NTRK3: variants seen among roughly 807,000 people sequenced by gnomAD.
NTRK3 encodes neurotrophic receptor tyrosine kinase 3.
Under a neutral mutation model 91.7 loss-of-function variants are expected in NTRK3, and 24 were observed. The ratio of observed to expected loss-of-function variants is 0.26; its 90% CI spans 0.19 to 0.37. The LOEUF (loss-of-function observed/expected upper bound fraction) is 0.37, where lower values mean the gene tolerates loss of function less well. Among genes scored for constraint, NTRK3 ranks in the 10% least tolerant of loss-of-function variants. The probability of loss-of-function intolerance (pLI) is 1.00; values close to 1 mark genes in which losing one functional copy is unlikely to be tolerated. For synonymous variants in NTRK3, 483 were observed against 404.0 expected (o/e 1.20, Z -2.34); for missense variants, 880 against 1,068.9 (o/e 0.82, Z 2.46).
intron 3 of NTRK3, among the ~76,000 whole-genome samples, chr15:88,185,097 C>T (rs921787188): frequency 6.6e-6 from 1 of 152,210 alleles, no homozygotes; most frequent in Non-Finnish European, 1.5e-5. Flanking sequence ...TCAGCAGTTT[C>T]TCCCCTTTTC....
chr15:87,955,410 C>T (rs936606380), intron 14 of NTRK3, among the ~76,000 whole-genome samples: 26 of 152,328 alleles, frequency 1.7e-4, no homozygotes, highest in East Asian at 3.9e-4. Context: ...ATCTGCTGCA[C>T]GCTACAGAGG....
intron 13 of NTRK3, among the ~76,000 whole-genome samples, chr15:88,104,327 T>C (rs909621783): frequency 5.9e-5 from 9 of 152,234 alleles, no homozygotes; most frequent in Admixed American, 5.2e-4. Flanking sequence ...ATCAGCTTCC[T>C]TTTGAAATCC....
chr15:88,025,731 T>C (rs1483569676), intron 14 of NTRK3, among the ~76,000 whole-genome samples: 1 of 152,242 alleles, frequency 6.6e-6, no homozygotes, highest in Non-Finnish European at 1.5e-5. Context: ...AAAATTTCTG[T>C]TGTTTGGGGC....
chr15:88,251,332 G>C (rs1314048988), intron 3 of NTRK3, among the ~76,000 whole-genome samples: 1 of 152,242 alleles, frequency 6.6e-6, no homozygotes, highest in Non-Finnish European at 1.5e-5. Flanking sequence ...TGGGCCCTGA[G>C]ATGACATATG....
chr15:88,083,409 G>T (rs527826013), intron 13 of NTRK3, among the ~76,000 whole-genome samples: 201 of 152,258 alleles, frequency 1.3e-3, no homozygotes, highest in Non-Finnish European at 2.3e-3. Context: ...TTTTAGTAGG[G>T]ACAAGGTTTT....
chr15:87,964,369 TGTTTA>T (rs2072596725), intron 14 of NTRK3, among the ~76,000 whole-genome samples: 1 of 150,850 alleles, frequency 6.6e-6, no homozygotes, highest in African/African-American at 2.4e-5. Flanking sequence ...ATATTATATA[TGTTTA>T]GTTTATATAT....
chr15:87,975,288 T>C (rs936814961), intron 14 of NTRK3, among the ~76,000 whole-genome samples: 5 of 152,128 alleles, frequency 3.3e-5, no homozygotes, highest in Non-Finnish European at 5.9e-5. Flanking sequence ...AAGATCTTAT[T>C]GGTACAGTTG....
rs575505628 is a variant in NTRK3, at chr15:88,103,431, T to TCA, written c.1396+22838_1396+22839dup. On this transcript the variant is annotated intron_variant, in intron 13 of 18. Coordinates refer to ENST00000394480, the Ensembl canonical transcript of NTRK3. ...GCTTGAGCCAATTCCTTAAAATAAA[T>TCA]CACACACACACAACGACGGACAGAT... is the stretch of plus-strand genomic sequence containing the variant. Among the ~76,000 whole-genome samples, 28 of 151,924 alleles carry TCA rather than the reference T, an allele frequency of 1.8e-4. No individual in the cohort carries two copies. In the South Asian group the frequency reaches 5.6e-3, roughly 30 times the overall value.
At chr15:87,873,651 A>G (rs1250267291) in exon 19 of NTRK3, 2 of 232,038 alleles carry the variant, frequency 8.6e-6, no homozygotes, top group Non-Finnish European at 8.5e-6. Flanking sequence ...TGGAGTGGCC[A>G]TATTGGCTAA....
chr15:87,942,752 G>A (rs2142039209), intron 14 of NTRK3, among the ~76,000 whole-genome samples: 1 of 152,242 alleles, frequency 6.6e-6, no homozygotes, highest in Admixed American at 6.5e-5. Flanking sequence ...CTGTAAAATG[G>A]GTATGGGGAG....
intron 13 of NTRK3, among the ~76,000 whole-genome samples, chr15:88,061,280 GA>G (rs1488359986): frequency 6.6e-6 from 1 of 152,176 alleles, no homozygotes; most frequent in Non-Finnish European, 1.5e-5. Context: ...CTTGCAACAG[GA>G]AAAGAGTACG....
Position 88,255,781 on chromosome 15 carries a change from G to T in NTRK3, c.248+125C>A. The stretch of plus-strand genomic sequence containing the variant: ...TCCCGAGCCAGAGCGAGCCTGACGC[G>T]CGCCCAGCGGGCGGCGGGCAGCGGC... On this transcript the variant is annotated intron_variant, in intron 3 of 18. Coordinates refer to ENST00000394480, the Ensembl canonical transcript of NTRK3. The surrounding 1 kb of genome is among the most constrained non-coding windows in gnomAD (Gnocchi z 4.3). 1 of 735,480 alleles carries T rather than the reference G, an allele frequency of 1.4e-6. No homozygotes were observed. Among genetic ancestry groups the T allele is most frequent in the Non-Finnish European group, 1.9e-6 (1 of 521,908 alleles). 45.6% of individuals were successfully genotyped at this position (735,480 alleles called of 1,614,324 possible).
chr15:88,092,314 G>A (rs922155292), intron 13 of NTRK3, among the ~76,000 whole-genome samples: 6 of 152,170 alleles, frequency 3.9e-5, no homozygotes, highest in East Asian at 3.9e-4. Flanking sequence ...TCAAGGCTCC[G>A]ACTGCATGGC....
intron 3 of NTRK3, 101 bp from the exon 4 acceptor site, chr15:88,184,400 G>C: frequency 8.9e-7 from 1 of 1,128,712 alleles, no homozygotes; most frequent in Non-Finnish European, 1.3e-6. Context: ...TGAGCTAATT[G>C]ATTGCCAGGC....
exon 19 of NTRK3, chr15:87,870,778 T>C (rs1301251940): frequency 3.2e-5 from 7 of 222,176 alleles, no homozygotes; most frequent in Non-Finnish European, 6.3e-5. Context: ...GCCTCAATGA[T>C]TCTCAGAAGT....
chr15:87,916,392 T>C, intron 17 of NTRK3: 2 of 622,124 alleles, frequency 3.2e-6, no homozygotes, highest in South Asian at 3.8e-5. Flanking sequence ...TCCACAGGAG[T>C]AGAGAGACGT....
intron 17 of NTRK3, among the ~76,000 whole-genome samples, chr15:87,887,759 A>G (rs1388518877): frequency 6.6e-6 from 1 of 152,190 alleles, no homozygotes; most frequent in Non-Finnish European, 1.5e-5. Context: ...CAGAAACAGT[A>G]ATATGAACAA....
rs2053526133 is a variant in NTRK3, at chr15:88,128,634, G to C, written c.1228+77C>G. On this transcript the variant is annotated intron_variant, in intron 11 of 18. Transcript: ENST00000394480. ...GCCAGGGATGATGTGGAATAGGAGA[G>C]AGGGCTATTTGAATTCAATAGTTAC... The C allele has an allele frequency of 2.1e-6, 3 of 1,444,882 alleles. No individual in the cohort carries two copies. In the African/African-American group the frequency reaches 4.2e-5, roughly 20 times the overall value. The allele number at this position is 1,444,882 out of a possible 1,614,324, so 89.5% of individuals were successfully genotyped here.
At chr15:88,052,644 TTTA>T (rs2045330770) in intron 13 of NTRK3, among the ~76,000 whole-genome samples, 1 of 152,136 alleles carries the variant, frequency 6.6e-6, no homozygotes, top group Admixed American at 6.5e-5. Flanking sequence ...AGTTAATAGA[TTTA>T]TTATAATAGT....
Sources: allele counts gnomAD v4.1 joint callset (sites outside exome capture counted in the v4.1 genomes callset), GRCh38; gene constraint gnomAD v4.1.1; non-coding constraint Gnocchi (gnomAD v3.1); transcripts MANE v1.5; gene names NCBI Gene and HGNC (gene_info 2026-07-23, HGNC 2026-07-21).